ARMC8: variants seen among roughly 807,000 people sequenced by gnomAD.
The protein encoded by ARMC8 is armadillo repeat-containing protein 8.
ARMC8 carries 20 observed loss-of-function variants against 99.3 expected under a neutral mutation model. That is an observed-to-expected ratio of 0.20 (90% CI 0.14 to 0.29). ARMC8 has a LOEUF of 0.29. Among genes scored for constraint, ARMC8 ranks in the 10% least tolerant of loss-of-function variants. The pLI is 1.00. For synonymous variants in ARMC8, 263 were observed against 278.3 expected, an observed-to-expected ratio of 0.95 and a Z score of 0.55; for missense variants, 569 against 809.5, an observed-to-expected ratio of 0.70 and a Z score of 3.60.
chr3:138,187,472 T>G lies in ARMC8; in HGVS notation c.-83T>G. On this transcript the variant is annotated 5_prime_UTR_variant, in exon 1 of 22. Transcript: ENST00000469044. ...CTATCTGGCTGCCTTTAGGGAGCGG[T>G]GCCTAGCGTTGGCCAATAGTTGGCT... 7.0e-7 allele frequency: 1 copy of G among 1,422,618 alleles called. No individual in the cohort carries two copies. The highest frequency in any genetic ancestry group is 9.6e-7 in the Non-Finnish European group (1 of 1,044,986). The allele number at this position is 1,422,618 out of a possible 1,614,324, so 88.1% of individuals were successfully genotyped here.
chr3:138,241,716 T>G lies in ARMC8; in HGVS notation c.838-67T>G. ...TCCTGATAAAAGCTATTGAGTTGAT[T>G]CAGTCACTATATGCTTAAGCTTTTA... On this transcript the variant is annotated intron_variant, in intron 10 of 21. Coordinates refer to ENST00000469044, the MANE Select transcript of ARMC8 (RefSeq NM_001363941.2). 5.4e-6 allele frequency: 7 copies of G among 1,307,854 alleles called. No homozygotes were observed. In the South Asian group the frequency reaches 8.4e-5, roughly 16 times the overall value. 81.0% of individuals were successfully genotyped at this position (1,307,854 alleles called of 1,614,324 possible). A position where few individuals can be genotyped will look rare whatever the true frequency, so the allele number is the denominator to read the frequency against.
At chr3:138,272,634 T>C (rs947306869) in intron 16 of ARMC8, among the ~76,000 whole-genome samples, 11 of 152,234 alleles carry the variant, frequency 7.2e-5, no homozygotes, top group African/African-American at 2.7e-4. Context: ...CTCAGCACTT[T>C]GGAAGGCCAA....
intron 12 of ARMC8, among the ~76,000 whole-genome samples, chr3:138,255,491 C>T (rs979020249): frequency 3.3e-5 from 5 of 152,018 alleles, no homozygotes; most frequent in South Asian, 2.1e-4. Context: ...CCTGAGCCAC[C>T]GCGCAGGGCC....
intron 1 of ARMC8, among the ~76,000 whole-genome samples, chr3:138,204,835 A>G (rs1309796814): frequency 6.6e-6 from 1 of 152,050 alleles, no homozygotes. Flanking sequence ...AATTAATTTC[A>G]TTATATGCTG....
chr3:138,250,056 A>G (rs1376992141), intron 12 of ARMC8, among the ~76,000 whole-genome samples: 2 of 152,216 alleles, frequency 1.3e-5, no homozygotes, highest in African/African-American at 2.4e-5. Flanking sequence ...AAGTTGTCCA[A>G]TCACAGTGGC....
At chr3:138,225,912 A>G (rs1049022675) in intron 5 of ARMC8, among the ~76,000 whole-genome samples, 1 of 152,214 alleles carries the variant, frequency 6.6e-6, no homozygotes, top group Non-Finnish European at 1.5e-5. Context: ...CTGGCACTTA[A>G]TGATACATAA....
At chr3:138,240,097 TC>T (rs2046536460) in intron 10 of ARMC8, among the ~76,000 whole-genome samples, 3 of 152,168 alleles carry the variant, frequency 2.0e-5, no homozygotes, top group African/African-American at 7.2e-5. Context: ...TGACTGTACA[TC>T]CTTTATTCTT....
In ARMC8 at chr3:138,289,107, G is replaced by C; in HGVS notation, c.1881G>C (p.Trp627Cys). ...AAMFCISNLI[W>C]NEEEGSQERQ... is the part of the protein sequence containing the mutation. Reference sequence around the variant, plus strand: ...TGTTTTGTATATCAAACCTCATATGGAATGAAGAGGAAGGTAAGAGATTGG... The same window carrying C: ...TGTTTTGTATATCAAACCTCATATGCAATGAAGAGGAAGGTAAGAGATTGG... Residue 627 changes from tryptophan to cysteine, a missense_variant, in exon 20 of 22, where the codon TGG (tryptophan) becomes TGC (cysteine). Transcript: ENST00000469044. 5 of 1,612,770 alleles carry C rather than the reference G, an allele frequency of 3.1e-6. No individual in the cohort carries two copies. The South Asian group carries it at 3.3e-5, about 11-fold the overall frequency.
At chr3:138,224,684 A>ACCT (rs2045590869) in intron 5 of ARMC8, among the ~76,000 whole-genome samples, 1 of 152,106 alleles carries the variant, frequency 6.6e-6, no homozygotes, top group African/African-American at 2.4e-5. Context: ...CCAGGAGGAG[A>ACCT]CGTTGCAGTG....
intron 20 of ARMC8, among the ~76,000 whole-genome samples, 154 bp from the exon 21 acceptor site, chr3:138,290,392 A>C (rs957993929): frequency 2.6e-5 from 4 of 152,212 alleles, no homozygotes; most frequent in Non-Finnish European, 4.4e-5. Context: ...TCCAAGCATG[A>C]GCGGGTCCAA....
rs1482228870 is a variant in ARMC8 at position 138,246,001 on chromosome 3, T to C, written c.1134+818T>C. 3.0e-6 allele frequency: 3 copies of C among 985,170 alleles called. No homozygotes were observed. The African/African-American group carries it at 5.2e-5, about 17-fold the overall frequency. 61.0% of individuals were successfully genotyped at this position (985,170 alleles called of 1,614,324 possible). A position where few individuals can be genotyped will look rare whatever the true frequency, so the allele number is the denominator to read the frequency against. On this transcript the variant is annotated intron_variant, in intron 12 of 21. Coordinates refer to ENST00000469044, the MANE Select transcript of ARMC8 (RefSeq NM_001363941.2). ...AAAGAGCAAATTAGTCATTATTTAC[T>C]GAACATGATGATTTACTAAATCTCT...
At chr3:138,188,655 C>T (rs903531289) in intron 1 of ARMC8, 13 of 1,291,510 alleles carry the variant, frequency 1.0e-5, no homozygotes, top group East Asian at 2.3e-5. Context: ...AATGACTTGT[C>T]GGGTTCCTAG....
At chr3:138,262,306 T>G in intron 12 of ARMC8, 1 of 479,088 alleles carries the variant, frequency 2.1e-6, no homozygotes, top group Non-Finnish European at 3.7e-6. Flanking sequence ...GGAATTAGGT[T>G]TGGTCTAGGG....
chr3:138,264,054 T>G (rs1229222149), intron 13 of ARMC8, 77 bp from the exon 14 acceptor site: 34 of 1,362,866 alleles, frequency 2.5e-5, no homozygotes, highest in Non-Finnish European at 3.5e-5. Context: ...CATTAGTCAT[T>G]GTAAAATGCC....
chr3:138,241,891 A>C lies in ARMC8; in HGVS notation c.946A>C (p.Arg316=). 1 of 1,614,116 alleles carries C rather than the reference A, an allele frequency of 6.2e-7. No homozygotes were observed. The highest frequency in any genetic ancestry group is 8.5e-7 in the Non-Finnish European group (1 of 1,179,988). The change falls in exon 11 of 22, where the codon AGA becomes CGA. Residue 316 remains arginine, a synonymous_variant. Coordinates refer to ENST00000469044, the MANE Select transcript of ARMC8 (RefSeq NM_001363941.2). ...YLIEPDVELQ[R]IASITDHLIA... ...GATTGAACCAGATGTTGAGCTACAG[A>C]GAATCGCTAGCATAACTGATCACCT...
rs2108418988 is a variant in ARMC8, at chr3:138,298,327, T to G, written c.*2435T>G. 1 of 152,370 alleles carries G rather than the reference T, an allele frequency of 6.6e-6. No individual in the cohort carries two copies. Among genetic ancestry groups the G allele is most frequent in the African/African-American group, 2.4e-5 (1 of 41,586 alleles). The allele number at this position is 152,370 out of a possible 1,614,324, so 9.4% of individuals were successfully genotyped here. A position where few individuals can be genotyped will look rare whatever the true frequency, so the allele number is the denominator to read the frequency against. On this transcript the variant is annotated 3_prime_UTR_variant, in exon 22 of 22. Transcript: ENST00000469044. ...CAATACATGTTCTTCTGGTAGTGTT[T>G]GGATAATATGATTTTAACACATGCT...
intron 21 of ARMC8, among the ~76,000 whole-genome samples, chr3:138,291,787 G>T (rs1031093083): frequency 1.4e-4 from 22 of 152,170 alleles, no homozygotes; most frequent in African/African-American, 5.3e-4. Context: ...GTGATAGTGG[G>T]TTCAAAGGCC....
intron 18 of ARMC8, among the ~76,000 whole-genome samples, chr3:138,279,192 C>G (rs1454335060): frequency 6.6e-6 from 1 of 152,020 alleles, no homozygotes; most frequent in Non-Finnish European, 1.5e-5. Flanking sequence ...AAATTATCTT[C>G]TAGTTTGTTG....
At chr3:138,217,116 G>C (rs1322172791) in intron 2 of ARMC8, among the ~76,000 whole-genome samples, 1 of 152,138 alleles carries the variant, frequency 6.6e-6, no homozygotes, top group Non-Finnish European at 1.5e-5. Flanking sequence ...ATACCATCTA[G>C]TTGGTGTAAG....
Sources: allele counts gnomAD v4.1 joint callset (sites outside exome capture counted in the v4.1 genomes callset), GRCh38; gene constraint gnomAD v4.1.1; transcripts MANE v1.5; gene names NCBI Gene and HGNC (gene_info 2026-07-23, HGNC 2026-07-21).